The following LMO3 variants were observed in gnomAD, a reference collection of about 807,000 sequenced individuals.
The protein encoded by LMO3 is LIM domain only protein 3.
A neutral mutation model predicts 15.8 loss-of-function variants in LMO3; 2 were observed. The ratio of observed to expected loss-of-function variants is 0.13; its 90% CI spans 0.05 to 0.40. The LOEUF (loss-of-function observed/expected upper bound fraction) is 0.40. Among genes scored for constraint, LMO3 ranks in the 10% least tolerant of loss-of-function variants. The pLI is 0.99. For missense variants in LMO3, 86 were observed against 182.2 expected, an observed-to-expected ratio of 0.47 and a Z score of 3.04; for synonymous variants, 62 against 63.8, an observed-to-expected ratio of 0.97 and a Z score of 0.13.
Position 16,604,294 on chromosome 12 carries a change from G to A in LMO3, c.-9+1772C>T, listed in dbSNP as rs1170681150. ...GCAAATAGATGTCCCCAGATCTCAG[G>A]CACTGGAGCTGCTTAACTCTGTTCT... On this transcript the variant is annotated intron_variant, in intron 1 of 3. Transcript: ENST00000537304. This position sits in a 1 kb window ranked among gnomAD's most constrained non-coding sequence, Gnocchi z 5.3. Among the ~76,000 whole-genome samples the A allele has an allele frequency of 6.6e-6, 1 of 152,004 alleles. No individual in the cohort carries two copies. Among genetic ancestry groups the A allele is most frequent in the East Asian group, 1.9e-4 (1 of 5,162 alleles).
rs575698295 is a variant in LMO3 at position 16,570,793 on chromosome 12, A to T, written c.207-10255T>A. Reference sequence around the variant, plus strand: ...AACAGTCACCTGATTATTCACAAAAAGTTATCAAATCACTTACCTTGAATA... The same window carrying T: ...AACAGTCACCTGATTATTCACAAAATGTTATCAAATCACTTACCTTGAATA... On this transcript the variant is annotated intron_variant, in intron 2 of 3. Coordinates refer to ENST00000537304, the MANE Select transcript of LMO3 (RefSeq NM_018640.5). 2.6e-5 allele frequency among the ~76,000 whole-genome samples: 4 copies of T among 152,316 alleles called. No homozygotes were observed. The East Asian group carries it at 7.7e-4, about 29-fold the overall frequency.
intron 3 of LMO3, among the ~76,000 whole-genome samples, chr12:16,556,933 T>C (rs1418378465): frequency 6.6e-6 from 1 of 152,032 alleles, no homozygotes; most frequent in African/African-American, 2.4e-5. Context: ...AACACAGAAA[T>C]ATATTAGGTA....
chr12:16,605,160 T>C (rs1381863926), intron 1 of LMO3: 8 of 1,389,356 alleles, frequency 5.8e-6, no homozygotes, highest in Non-Finnish European at 5.6e-6. Context: ...CAAAGCCACA[T>C]GCTTCCCTAA....
At position 16,589,052 on chromosome 12, in the gene LMO3, G is replaced by T. The variant is rs1943411292; in HGVS notation, c.206+11603C>A. On this transcript the variant is annotated intron_variant, in intron 2 of 3. Coordinates refer to ENST00000537304, the MANE Select transcript of LMO3 (RefSeq NM_018640.5). The surrounding 1 kb of genome is among the most constrained non-coding windows in gnomAD (Gnocchi z 4.2). ...GTAAGTTGCCTAGGAATGTGAAGCT[G>T]GGGTGTAGCAGAAGGGGGTCGACGT... Among the ~76,000 whole-genome samples the T allele has an allele frequency of 6.6e-6, 1 of 152,082 alleles. No individual in the cohort carries two copies. The highest frequency in any genetic ancestry group is 2.4e-5 in the African/African-American group (1 of 41,436).
intron 1 of LMO3, chr12:16,605,546 A>T: frequency 1.7e-6 from 1 of 585,708 alleles, no homozygotes; most frequent in South Asian, 2.7e-5. Context: ...ACAAGGACCA[A>T]AAGATTGTAA....
rs1451056556 is a variant in LMO3, at chr12:16,591,269, C to A, written c.206+9386G>T. Among the ~76,000 whole-genome samples, 1 of 151,948 alleles carries A rather than the reference C, an allele frequency of 6.6e-6. No homozygotes were observed. Among genetic ancestry groups the A allele is most frequent in the Non-Finnish European group, 1.5e-5 (1 of 67,946 alleles). On this transcript the variant is annotated intron_variant, in intron 2 of 3. Coordinates refer to ENST00000537304, the MANE Select transcript of LMO3 (RefSeq NM_018640.5). The surrounding 1 kb of genome is among the most constrained non-coding windows in gnomAD (Gnocchi z 4.1). ...AAACTCCCACCTCAGGGCCTTTGTA[C>A]TGGATGTTCCTGAGCCCAGAATGTC... is the stretch of plus-strand genomic sequence containing the variant.
Position 16,604,560 on chromosome 12 carries a change from A to C in LMO3, c.-9+1506T>G. On this transcript the variant is annotated intron_variant, in intron 1 of 3. Transcript: ENST00000537304. This position sits in a 1 kb window ranked among gnomAD's most constrained non-coding sequence, Gnocchi z 5.3. ...TCAATTTTGATGCAGCTCACATGCA[A>C]AATAAAAAAAAAAAATAAGAAACAT... 3.1e-6 allele frequency: 1 copy of C among 322,282 alleles called. No homozygotes were observed. Among genetic ancestry groups the C allele is most frequent in the Admixed American group, 5.0e-5 (1 of 20,104 alleles). 20.0% of individuals were successfully genotyped at this position (322,282 alleles called of 1,614,324 possible).
At position 16,596,547 on chromosome 12, in the gene LMO3, A is replaced by C. The variant is rs1025175804; in HGVS notation, c.206+4108T>G. Among the ~76,000 whole-genome samples the C allele has an allele frequency of 6.6e-6, 1 of 151,700 alleles. No individual in the cohort carries two copies. The highest frequency in any genetic ancestry group is 1.5e-5 in the Non-Finnish European group (1 of 67,638). Reference sequence around the variant, plus strand: ...GGTTCAAAGAAAGAACAACAAAAAAATTGCCCAGAAGTTGAGTTCCAGTTA... The same window carrying C: ...GGTTCAAAGAAAGAACAACAAAAAACTTGCCCAGAAGTTGAGTTCCAGTTA... On this transcript the variant is annotated intron_variant, in intron 2 of 3. Transcript: ENST00000537304. This position sits in a 1 kb window ranked among gnomAD's most constrained non-coding sequence, Gnocchi z 4.3.
rs568347674 is a variant in LMO3, at chr12:16,550,524, A to C, written c.*698T>G. The C allele has an allele frequency of 2.6e-4, 40 of 152,532 alleles. No individual in the cohort carries two copies. The highest frequency in any genetic ancestry group is 9.6e-4 in the African/African-American group (40 of 41,554). The allele number at this position is 152,532 out of a possible 1,614,324, so 9.4% of individuals were successfully genotyped here. On this transcript the variant is annotated 3_prime_UTR_variant, in exon 4 of 4. Transcript: ENST00000537304. ...AAATGGCACTTTTCACGTTGGTATA[A>C]AATGAAAGTGCTTTAAGATGAAATT... is the stretch of plus-strand genomic sequence containing the variant.
chr12:16,587,670 T>C lies in LMO3; in HGVS notation c.206+12985A>G, dbSNP rs556103066. Among the ~76,000 whole-genome samples the C allele has an allele frequency of 6.6e-6, 1 of 152,128 alleles. No homozygotes were observed. Among genetic ancestry groups the C allele is most frequent in the African/African-American group, 2.4e-5 (1 of 41,420 alleles). On this transcript the variant is annotated intron_variant, in intron 2 of 3. Coordinates refer to ENST00000537304, the MANE Select transcript of LMO3 (RefSeq NM_018640.5). The surrounding 1 kb of genome is among the most constrained non-coding windows in gnomAD (Gnocchi z 4.3). ...CAAGCACTGGTCTGTCAGGAGTGCA[T>C]TTTAACAGCACGACACAAGTATTTT...
intron 2 of LMO3, 82 bp downstream of exon 2, chr12:16,600,573 G>A (rs1377628491): frequency 8.1e-7 from 1 of 1,234,452 alleles, no homozygotes; most frequent in African/African-American, 1.5e-5. Context: ...GTAAGGAAAT[G>A]AAACAAGCAA....
intron 3 of LMO3, among the ~76,000 whole-genome samples, chr12:16,554,813 C>T (rs1488742072): frequency 1.3e-5 from 2 of 152,138 alleles, no homozygotes; most frequent in East Asian, 3.9e-4. Flanking sequence ...CCCGCCACCT[C>T]GACCGGCTCA....
chr12:16,562,466 C>T (rs1453517280), intron 2 of LMO3, among the ~76,000 whole-genome samples: 1 of 152,176 alleles, frequency 6.6e-6, no homozygotes, highest in African/African-American at 2.4e-5. Flanking sequence ...AAATTCTGGA[C>T]GTAGTTTTCC....
chr12:16,563,369 A>G (rs1178822270), intron 2 of LMO3, among the ~76,000 whole-genome samples: 1 of 152,238 alleles, frequency 6.6e-6, no homozygotes, highest in Non-Finnish European at 1.5e-5. Flanking sequence ...ATTATTTTAT[A>G]AAATGGGATT....
chr12:16,605,239 CTG>C, intron 1 of LMO3: 2 of 1,288,044 alleles, frequency 1.6e-6, no homozygotes, highest in Non-Finnish European at 2.0e-6. Flanking sequence ...TTTGATTAAA[CTG>C]TCACATGCAG....
chr12:16,594,394 G>A, intron 2 of LMO3: 2 of 706,308 alleles, frequency 2.8e-6, no homozygotes, highest in East Asian at 5.7e-5. Context: ...TACAAATGGA[G>A]TTTTATAAAA....
intron 2 of LMO3, among the ~76,000 whole-genome samples, chr12:16,561,132 T>C (rs1397777233): frequency 6.6e-6 from 1 of 152,120 alleles, no homozygotes; most frequent in African/African-American, 2.4e-5. Context: ...TATATATAGC[T>C]AGACCAGAAA....
chr12:16,573,590 T>A (rs1242839738), intron 2 of LMO3: 2 of 152,220 alleles, frequency 1.3e-5, no homozygotes, highest in African/African-American at 4.8e-5. Flanking sequence ...AGCTTCTTAA[T>A]GTGCCAAGAA....
intron 2 of LMO3, among the ~76,000 whole-genome samples, chr12:16,569,850 T>A (rs1177480720): frequency 6.6e-6 from 1 of 152,116 alleles, no homozygotes; most frequent in African/African-American, 2.4e-5. Context: ...ATAACACATA[T>A]GTACTAAAAC....
Sources: gnomAD v4.1 joint callset for allele counts (sites outside exome capture counted in the v4.1 genomes callset) on GRCh38, gnomAD v4.1.1 for gene constraint, Gnocchi (gnomAD v3.1) non-coding constraint, MANE v1.5 for transcripts, NCBI Gene and HGNC (gene_info 2026-07-23, HGNC 2026-07-21) for gene names.